The following SKP2 variants were observed in gnomAD, a reference collection of about 807,000 sequenced individuals.
The protein encoded by SKP2 is S-phase kinase associated protein 2.
A neutral mutation model predicts 51.8 loss-of-function variants in SKP2; 16 were observed. That is an observed-to-expected ratio of 0.31 (90% CI 0.21 to 0.47). The LOEUF (loss-of-function observed/expected upper bound fraction) is 0.47, where lower values mean the gene tolerates loss of function less well. Among genes scored for constraint, SKP2 ranks in the 20% least tolerant of loss-of-function variants. The pLI is 1.00. For missense variants in SKP2, 377 were observed against 505.3 expected (o/e 0.75, Z 2.43); for synonymous variants, 176 against 198.6 (o/e 0.89, Z 0.96).
intron 2 of SKP2, among the ~76,000 whole-genome samples, chr5:36,162,631 G>A (rs932470769): frequency 6.6e-6 from 1 of 152,154 alleles, no homozygotes; most frequent in Non-Finnish European, 1.5e-5. Flanking sequence ...AATGATACCT[G>A]GCACCATAGT....
chr5:36,174,190 A>G (rs562270586), intron 7 of SKP2, among the ~76,000 whole-genome samples: 3 of 152,206 alleles, frequency 2.0e-5, no homozygotes, highest in African/African-American at 7.2e-5. Context: ...TGTAGCTGAA[A>G]TCATCTCTCC....
downstream of SKP2, among the ~76,000 whole-genome samples, chr5:36,186,778 C>G (rs1490200970): frequency 6.6e-6 from 1 of 152,058 alleles, no homozygotes; most frequent in Non-Finnish European, 1.5e-5. Context: ...AAGGAGGATT[C>G]CCTCTTTTTC....
intron 2 of SKP2, among the ~76,000 whole-genome samples, chr5:36,160,682 T>G (rs1745095697): frequency 6.6e-6 from 1 of 152,194 alleles, no homozygotes; most frequent in African/African-American, 2.4e-5. Flanking sequence ...GAGAGTTGGA[T>G]TAATGGGAGA....
chr5:36,163,660 C>T lies in SKP2; in HGVS notation c.296C>T (p.Ser99Phe). 1 of 1,612,814 alleles carries T rather than the reference C, an allele frequency of 6.2e-7. No homozygotes were observed. The highest frequency in any genetic ancestry group is 8.5e-7 in the Non-Finnish European group (1 of 1,178,816). The change falls in exon 3 of 10, where the codon TCC becomes TTC. Residue 99 changes from serine to phenylalanine, a missense_variant. Ser to Phe is a radical substitution (Grantham distance 155, BLOSUM62 -2). This residue lies in a region of SKP2 where 262 missense variants were observed against 389.8 expected (regional missense o/e 0.67). Coordinates refer to ENST00000274255, the MANE Select transcript of SKP2 (RefSeq NM_005983.4). ...RENFPGVSWD[S>F]LPDELLLGIF... ...CCCTCCAAAGGTGTTTCATGGGACT[C>T]CCTTCCGGATGAGCTGCTCTTGGGA...
chr5:36,158,568 T>C (rs756051222), intron 2 of SKP2, among the ~76,000 whole-genome samples: 2 of 152,224 alleles, frequency 1.3e-5, no homozygotes, highest in Non-Finnish European at 2.9e-5. Flanking sequence ...GGTGAACCCA[T>C]TGATAGCATC....
chr5:36,157,794 T>TTTGGA (rs1745000526), intron 2 of SKP2, among the ~76,000 whole-genome samples: 1 of 152,234 alleles, frequency 6.6e-6, no homozygotes, highest in Non-Finnish European at 1.5e-5. Context: ...TTAGCATTAC[T>TTTGGA]TTGGATTTTC....
At chr5:36,175,037 C>T (rs1036642456) in intron 7 of SKP2, among the ~76,000 whole-genome samples, 17 of 152,108 alleles carry the variant, frequency 1.1e-4, no homozygotes, top group African/African-American at 3.6e-4. Context: ...TTTTAAAAGA[C>T]TCACGCTAGT....
chr5:36,168,525 C>A, intron 5 of SKP2, 78 bp downstream of exon 5: 1 of 1,345,356 alleles, frequency 7.4e-7, no homozygotes, highest in Non-Finnish European at 1.1e-6. Flanking sequence ...AACTGGGGTG[C>A]CCTTCTAGCC....
At chr5:36,174,224 C>T (rs774400730) in intron 7 of SKP2, among the ~76,000 whole-genome samples, 5 of 152,078 alleles carry the variant, frequency 3.3e-5, no homozygotes, top group Admixed American at 6.5e-5. Flanking sequence ...GTTGGATTAA[C>T]GGGTGGTTTC....
chr5:36,169,965 C>T (rs1230491488), intron 5 of SKP2, among the ~76,000 whole-genome samples: 2 of 152,076 alleles, frequency 1.3e-5, no homozygotes, highest in Admixed American at 6.5e-5. Context: ...TCAAAAGAAC[C>T]TGGTGATTTT....
At chr5:36,169,906 G>A in intron 5 of SKP2, among the ~76,000 whole-genome samples, 1 of 152,086 alleles carries the variant, frequency 6.6e-6, no homozygotes, top group Non-Finnish European at 1.5e-5. Flanking sequence ...ACTAACACAG[G>A]GCATTTGGGG....
At chr5:36,169,237 G>A (rs1160672595) in intron 5 of SKP2, among the ~76,000 whole-genome samples, 1 of 152,190 alleles carries the variant, frequency 6.6e-6, no homozygotes. Context: ...CTGAGGTTGG[G>A]AGTTTGAGAC....
chr5:36,187,927 G>A (rs1314054583), downstream of SKP2, among the ~76,000 whole-genome samples: 1 of 152,078 alleles, frequency 6.6e-6, no homozygotes, highest in African/African-American at 2.4e-5. Flanking sequence ...TCCTGTATTG[G>A]GTGCATATAT....
intron 9 of SKP2, among the ~76,000 whole-genome samples, chr5:36,181,291 C>T (rs2112013235): frequency 6.6e-6 from 1 of 152,304 alleles, no homozygotes; most frequent in South Asian, 2.1e-4. Context: ...TTTCATCACA[C>T]ATAATGGACT....
chr5:36,177,512 GT>G, intron 9 of SKP2: 1 of 602,664 alleles, frequency 1.7e-6, no homozygotes, highest in Non-Finnish European at 3.1e-6. Flanking sequence ...GCTGTAAGCA[GT>G]TTTAATTACT....
chr5:36,153,088 T>C (rs1312296474), intron 2 of SKP2, 46 bp downstream of exon 2: 1 of 1,576,728 alleles, frequency 6.3e-7, no homozygotes, highest in African/African-American at 1.4e-5. Flanking sequence ...AGGGTGGATT[T>C]AGCTATGTTG....
chr5:36,167,554 G>A (rs750173518), intron 4 of SKP2, among the ~76,000 whole-genome samples: 4 of 152,002 alleles, frequency 2.6e-5, no homozygotes, highest in Non-Finnish European at 5.9e-5. Context: ...ACCTAAAAAC[G>A]TCTGTACCTG....
intron 9 of SKP2, 48 bp from the exon 10 acceptor site, chr5:36,181,770 A>T: frequency 1.2e-6 from 2 of 1,600,872 alleles, no homozygotes; most frequent in Non-Finnish European, 1.7e-6. Context: ...CTAGTCAAAC[A>T]GTTTCCATAG....
chr5:36,152,195 G>C lies in SKP2; in HGVS notation c.-68G>C, dbSNP rs887752416. The C allele has an allele frequency of 6.3e-7, 1 of 1,584,120 alleles. No homozygotes were observed. Among genetic ancestry groups the C allele is most frequent in the South Asian group, 1.1e-5 (1 of 90,396 alleles). ...GCTCGGAGCCGCCGCGCGCCAAAGC[G>C]GGAATCTGGGAGGCGAGCAGCTCTG... On this transcript the variant is annotated 5_prime_UTR_variant, in exon 1 of 10. Coordinates refer to ENST00000274255, the MANE Select transcript of SKP2 (RefSeq NM_005983.4).
Sources: allele counts gnomAD v4.1 joint callset (sites outside exome capture counted in the v4.1 genomes callset), GRCh38; gene constraint gnomAD v4.1.1; regional missense constraint gnomAD v4.1.1; transcripts MANE v1.5; gene names NCBI Gene and HGNC (gene_info 2026-07-23, HGNC 2026-07-21).